Variants in HNRNPA3 observed in about 807,000 individuals in gnomAD.
The protein encoded by HNRNPA3 is heterogeneous nuclear ribonucleoprotein A3.
In HNRNPA3, 3 loss-of-function variants were observed where a neutral mutation model predicts 45.8. The ratio of observed to expected loss-of-function variants is 0.07; its 90% CI spans 0.03 to 0.17. HNRNPA3 has a LOEUF of 0.17. Among genes scored for constraint, HNRNPA3 ranks in the 10% least tolerant of loss-of-function variants. The pLI is 1.00. For synonymous variants in HNRNPA3, 170 were observed against 155.6 expected (o/e 1.09, Z -0.69); for missense variants, 183 against 480.3 (o/e 0.38, Z 5.79).
chr2:177,216,711 G>C, exon 6 of HNRNPA3: 1 of 1,614,204 alleles, frequency 6.2e-7, no homozygotes, highest in Non-Finnish European at 8.5e-7. Flanking sequence ...TATGGGTCGC[G>C]GAGGGAACTT....
intron 4 of HNRNPA3, 86 bp downstream of exon 4, chr2:177,216,274 G>T: frequency 1.1e-6 from 1 of 942,204 alleles, no homozygotes. Flanking sequence ...GTAATTTTCT[G>T]TTGCGTGTAA....
chr2:177,218,052 CTT>C lies in HNRNPA3; in HGVS notation c.961+233_961+234del, dbSNP rs58476089. ...ACAAATGTACTCAGCTCTCTTTTTT[CTT>C]TTTTTTTTTTTTTTTTTTTTTTTTT... On this transcript the variant is annotated intron_variant, in intron 8 of 10. Coordinates refer to ENST00000392524, the Ensembl canonical transcript of HNRNPA3. Among the ~76,000 whole-genome samples, 658 of 101,912 alleles carry C rather than the reference CTT, an allele frequency of 6.5e-3. 2 individuals carry two copies. Among genetic ancestry groups the C allele is most frequent in the African/African-American group, 0.023 (574 of 24,812 alleles). 66.9% of individuals were successfully genotyped at this position (101,912 alleles called of 152,430 possible).
At chr2:177,220,336 C>T (rs1375931203), downstream of HNRNPA3, 1 of 152,920 alleles carries the variant, frequency 6.5e-6, no homozygotes, top group African/African-American at 2.4e-5. Context: ...TTTTCCCTCT[C>T]CTACGTTAGA....
At chr2:177,216,908 G>A in exon 7 of HNRNPA3, 1 of 1,587,038 alleles carries the variant, frequency 6.3e-7, no homozygotes, top group South Asian at 1.1e-5. Context: ...TATGGAGGAG[G>A]TGATGGTGGA....
At position 177,217,856 on chromosome 2, in the gene HNRNPA3, A is replaced by T; in HGVS notation, c.961+11A>T. ...GAAATTTTGGCGGTGGTAAGCATTC[A>T]CTTGTTTTATTTAAATGTTAAATAT... On this transcript the variant is annotated intron_variant, in intron 8 of 10. Coordinates refer to ENST00000392524, the Ensembl canonical transcript of HNRNPA3. 6.4e-7 allele frequency: 1 copy of T among 1,552,942 alleles called. No homozygotes were observed. Among genetic ancestry groups the T allele is most frequent in the Admixed American group, 2.0e-5 (1 of 48,836 alleles).
At chr2:177,219,833 A>T (rs185313866) in exon 11 of HNRNPA3, 2 of 152,858 alleles carry the variant, frequency 1.3e-5, no homozygotes, top group Non-Finnish European at 2.9e-5. Context: ...AACAAAATGC[A>T]GTTTCGAAGG....
In HNRNPA3 at chr2:177,217,989, C is replaced by T. The variant is rs1354885610; in HGVS notation, c.961+144C>T. On this transcript the variant is annotated intron_variant, in intron 8 of 10. Coordinates refer to ENST00000392524, the Ensembl canonical transcript of HNRNPA3. ...TACTAAAATGGTTGGTAGTTCAAAC[C>T]AAATTTTCTTGACTTTGCTGGTTAT... 6 of 667,850 alleles carry T rather than the reference C, an allele frequency of 9.0e-6. No homozygotes were observed. The South Asian group carries it at 1.4e-4, about 15-fold the overall frequency. The allele number at this position is 667,850 out of a possible 1,614,324, so 41.4% of individuals were successfully genotyped here. A position where few individuals can be genotyped will look rare whatever the true frequency, so the allele number is the denominator to read the frequency against.
intron 8 of HNRNPA3, among the ~76,000 whole-genome samples, chr2:177,218,660 T>C (rs1014722111): frequency 6.6e-6 from 1 of 152,200 alleles, no homozygotes; most frequent in Non-Finnish European, 1.5e-5. Context: ...ACAATACTGT[T>C]AAAAGCTTTC....
Position 177,217,936 on chromosome 2 carries a change from G to T in HNRNPA3, c.961+91G>T, listed in dbSNP as rs1689016733. ...TATTTGGAAAGTGTTAAAAGCGTTTGATCAAATTTTATGTTCTATAAGAAA... is the reference window on the plus strand; with the variant it reads ...TATTTGGAAAGTGTTAAAAGCGTTTTATCAAATTTTATGTTCTATAAGAAA... On this transcript the variant is annotated intron_variant, in intron 8 of 10. Coordinates refer to ENST00000392524, the Ensembl canonical transcript of HNRNPA3. 2.1e-5 allele frequency: 27 copies of T among 1,265,744 alleles called. 1 individual carries two copies. In the South Asian group the frequency reaches 4.3e-4, roughly 20 times the overall value. The allele number at this position is 1,265,744 out of a possible 1,614,324, so 78.4% of individuals were successfully genotyped here.
intron 1 of HNRNPA3, among the ~76,000 whole-genome samples, chr2:177,214,693 G>C (rs373611785): frequency 1.0e-3 from 155 of 152,320 alleles, no homozygotes; most frequent in African/African-American, 3.4e-3. Context: ...TACTCGGGAG[G>C]CTGAGGCAGG....
chr2:177,221,145 GAC>G (rs1233257090), downstream of HNRNPA3: 2 of 152,584 alleles, frequency 1.3e-5, no homozygotes, highest in Non-Finnish European at 2.9e-5. Flanking sequence ...AAATGTAACA[GAC>G]ATTCCATTTG....
rs1558968805 is a variant in HNRNPA3, at chr2:177,215,521, AT to A, written c.73-16del. 6.2e-7 allele frequency: 1 copy of A among 1,613,524 alleles called. No individual in the cohort carries two copies. Among genetic ancestry groups the A allele is most frequent in the East Asian group, 2.2e-5 (1 of 44,886 alleles). ...ATCTACTGTAAGGTAACTTAAGAGT[AT>A]TGGTTCTTTCTCTCAGGGCCATGAT... On this transcript the variant is annotated splice_polypyrimidine_tract_variant and intron_variant, in intron 1 of 10. Transcript: ENST00000392524.
downstream of HNRNPA3, chr2:177,220,286 T>C (rs1194673854): frequency 6.6e-6 from 1 of 152,670 alleles, no homozygotes; most frequent in Non-Finnish European, 1.5e-5. Flanking sequence ...AAAGAATGTT[T>C]ACTGCCCTCC....
exon 1 of HNRNPA3, chr2:177,212,829 C>T (rs1219386171): frequency 1.3e-6 from 2 of 1,561,014 alleles, no homozygotes; most frequent in Non-Finnish European, 1.7e-6. Flanking sequence ...CCGGTCGCCC[C>T]CAGCCCGACT....
At chr2:177,218,440 T>C (rs1263036387) in intron 8 of HNRNPA3, among the ~76,000 whole-genome samples, 1 of 152,156 alleles carries the variant, frequency 6.6e-6, no homozygotes, top group African/African-American at 2.4e-5. Context: ...TGTAAAAGAT[T>C]GGGAGTTTAT....
chr2:177,223,787 T>A (rs1689289065), downstream of HNRNPA3: 1 of 152,264 alleles, frequency 6.6e-6, no homozygotes, highest in Non-Finnish European at 1.5e-5. Context: ...TGGATTCAGA[T>A]GTTTCATTTG....
intron 3 of HNRNPA3, 35 bp downstream of exon 3, chr2:177,215,931 T>C (rs779161972): frequency 3.1e-6 from 5 of 1,596,456 alleles, no homozygotes; most frequent in African/African-American, 2.7e-5. Context: ...TATGTGAAAT[T>C]GTTGTGAAAG....
exon 5 of HNRNPA3, chr2:177,216,520 A>G: frequency 6.2e-7 from 1 of 1,613,250 alleles, no homozygotes; most frequent in African/African-American, 1.3e-5. Flanking sequence ...ATACCACACT[A>G]TTAATGGGCA....
At chr2:177,223,483 T>TA (rs1202967569), downstream of HNRNPA3, 2 of 146,124 alleles carry the variant, frequency 1.4e-5, no homozygotes, top group African/African-American at 5.6e-5. Context: ...CTTCTAATAT[T>TA]ACACTTCTAA....
Sources: allele counts gnomAD v4.1 joint callset (sites outside exome capture counted in the v4.1 genomes callset), GRCh38; gene constraint gnomAD v4.1.1; transcripts MANE v1.5; gene names NCBI Gene and HGNC (gene_info 2026-07-23, HGNC 2026-07-21).